Variants in FAM13A observed in about 807,000 individuals in gnomAD.
FAM13A encodes the protein family with sequence similarity 13 member A, also known as protein FAM13A.
Under a neutral mutation model 129.6 loss-of-function variants are expected in FAM13A, and 76 were observed. The ratio of observed to expected loss-of-function variants is 0.59; its 90% CI spans 0.49 to 0.71. The LOEUF (loss-of-function observed/expected upper bound fraction) is 0.71, where lower values mean the gene tolerates loss of function less well. Among genes scored for constraint, FAM13A ranks in the 30% least tolerant of loss-of-function variants. FAM13A has a pLI of 0.00. For missense variants in FAM13A, 1,108 were observed against 1,249.3 expected (o/e 0.89, Z 1.70); for synonymous variants, 443 against 449.9 (o/e 0.98, Z 0.20).
At chr4:89,013,936 G>A (rs370300789) in intron 3 of FAM13A, among the ~76,000 whole-genome samples, 3 of 152,216 alleles carry the variant, frequency 2.0e-5, no homozygotes, top group Non-Finnish European at 4.4e-5. Flanking sequence ...GGGCATGACC[G>A]GTTAATCGGC....
chr4:88,816,368 A>G (rs1730729977), intron 7 of FAM13A, among the ~76,000 whole-genome samples: 2 of 152,192 alleles, frequency 1.3e-5, no homozygotes, highest in Admixed American at 6.5e-5. Context: ...GTATAAGAAT[A>G]TTCCTAGCAA....
intron 1 of FAM13A, among the ~76,000 whole-genome samples, chr4:89,045,246 T>A (rs1378130954): frequency 1.3e-5 from 2 of 151,936 alleles, no homozygotes; most frequent in Non-Finnish European, 2.9e-5. Context: ...GGAAAAAACA[T>A]TTCAGAAGTG....
chr4:88,937,937 T>G, intron 5 of FAM13A, 151 bp downstream of exon 5: 1 of 595,644 alleles, frequency 1.7e-6, no homozygotes, highest in South Asian at 2.2e-5. Flanking sequence ...AATAAGCATT[T>G]GGAATAATAG....
rs1251689174 is a variant in FAM13A at position 88,838,180 on chromosome 4, C to A, written c.1007+12840G>T. ...ATGAATTTCGGTACCCAAGGGAGGT[C>A]CTGAAACCTACCCCCAGGGATATAC... On this transcript the variant is annotated intron_variant, in intron 7 of 23. Coordinates refer to ENST00000264344, the MANE Select transcript of FAM13A (RefSeq NM_014883.4). Among the ~76,000 whole-genome samples, 4 of 75,490 alleles carry A rather than the reference C, an allele frequency of 5.3e-5. No homozygotes were observed. The South Asian group carries it at 1.6e-3, about 30-fold the overall frequency. 49.5% of individuals were successfully genotyped at this position (75,490 alleles called of 152,430 possible).
intron 6 of FAM13A, among the ~76,000 whole-genome samples, chr4:88,877,151 T>C (rs1742669831): frequency 1.3e-5 from 2 of 152,324 alleles, no homozygotes; most frequent in South Asian, 4.1e-4. Context: ...GTTTTAATTA[T>C]AATGCCTAAT....
chr4:89,020,358 C>G (rs1456991267), intron 3 of FAM13A, 102 bp downstream of exon 3: 1 of 676,654 alleles, frequency 1.5e-6, no homozygotes, highest in Non-Finnish European at 2.3e-6. Context: ...TTCAAGCAAT[C>G]TTTCTACCTC....
intron 1 of FAM13A, among the ~76,000 whole-genome samples, chr4:89,039,117 A>C (rs1769773416): frequency 6.6e-6 from 1 of 152,200 alleles, no homozygotes; most frequent in African/African-American, 2.4e-5. Flanking sequence ...CCTAACTTCT[A>C]GTTTACAGTA....
intron 6 of FAM13A, among the ~76,000 whole-genome samples, chr4:88,864,820 T>C (rs1208313195): frequency 6.6e-6 from 1 of 152,248 alleles, no homozygotes; most frequent in Admixed American, 6.5e-5. Context: ...TCCCTTTCTC[T>C]GTCATTCGTA....
intron 11 of FAM13A, among the ~76,000 whole-genome samples, chr4:88,778,038 A>G (rs1441431052): frequency 6.6e-6 from 1 of 152,112 alleles, no homozygotes; most frequent in Non-Finnish European, 1.5e-5. Context: ...CTCTGCCTCA[A>G]GGCCTTGTGT....
At chr4:89,056,884 C>T in intron 1 of FAM13A, 54 bp downstream of exon 1, 2 of 1,545,270 alleles carry the variant, frequency 1.3e-6, no homozygotes, top group South Asian at 1.2e-5. Context: ...AAGGCAAGGC[C>T]CTCTCCTAAA....
chr4:88,977,033 CAAT>C (rs1761010718), intron 4 of FAM13A, among the ~76,000 whole-genome samples: 2 of 152,110 alleles, frequency 1.3e-5, no homozygotes, highest in African/African-American at 2.4e-5. Flanking sequence ...AATCAGCTAA[CAAT>C]GATGCATTTC....
intron 7 of FAM13A, among the ~76,000 whole-genome samples, chr4:88,809,161 G>C (rs1292919683): frequency 1.3e-5 from 2 of 152,136 alleles, no homozygotes; most frequent in Non-Finnish European, 2.9e-5. Flanking sequence ...AGGAAATCAT[G>C]AAAGGCATAG....
chr4:88,942,438 A>G (rs886317009), intron 4 of FAM13A, among the ~76,000 whole-genome samples: 6 of 151,914 alleles, frequency 3.9e-5, no homozygotes, highest in Non-Finnish European at 8.8e-5. Flanking sequence ...GTGGTGGTGC[A>G]GGCCTGTCAT....
intron 6 of FAM13A, among the ~76,000 whole-genome samples, chr4:88,876,183 C>A (rs1579072385): frequency 6.6e-6 from 1 of 152,170 alleles, no homozygotes; most frequent in Non-Finnish European, 1.5e-5. Flanking sequence ...GGAGAAATAC[C>A]TAATGCAAAT....
intron 5 of FAM13A, among the ~76,000 whole-genome samples, chr4:88,925,882 A>G (rs2148747461): frequency 6.6e-6 from 1 of 152,282 alleles, no homozygotes; most frequent in South Asian, 2.1e-4. Flanking sequence ...AAAGGAGATG[A>G]GGATTAACTG....
At chr4:89,026,206 A>C (rs1224765006) in intron 2 of FAM13A, among the ~76,000 whole-genome samples, 1 of 152,248 alleles carries the variant, frequency 6.6e-6, no homozygotes, top group Non-Finnish European at 1.5e-5. Flanking sequence ...AGCCTCACTC[A>C]AAACCAAGTA....
intron 14 of FAM13A, among the ~76,000 whole-genome samples, chr4:88,752,920 G>C (rs1742920412): frequency 6.6e-6 from 1 of 152,232 alleles, no homozygotes; most frequent in Non-Finnish European, 1.5e-5. Flanking sequence ...TAATGCAGCA[G>C]GCAATAAGCT....
At chr4:88,733,682 C>T (rs534741000) in intron 21 of FAM13A, among the ~76,000 whole-genome samples, 1 of 152,336 alleles carries the variant, frequency 6.6e-6, no homozygotes, top group South Asian at 2.1e-4. Flanking sequence ...GGCCTGTTTA[C>T]TGCTGTCCCC....
chr4:89,034,573 G>A (rs1769117888), intron 1 of FAM13A, among the ~76,000 whole-genome samples: 1 of 152,178 alleles, frequency 6.6e-6, no homozygotes, highest in Non-Finnish European at 1.5e-5. Context: ...CTATTACTGG[G>A]TAGTATACAT....
Sources: allele counts gnomAD v4.1 joint callset (sites outside exome capture counted in the v4.1 genomes callset), GRCh38; gene constraint gnomAD v4.1.1; transcripts MANE v1.5; gene names NCBI Gene and HGNC (gene_info 2026-07-23, HGNC 2026-07-21).